GAB2: variants seen among roughly 807,000 people sequenced by gnomAD.
The protein encoded by GAB2 is GRB2 associated binding protein 2.
In GAB2, 26 loss-of-function variants were observed where a neutral mutation model predicts 65.5. The ratio of observed to expected loss-of-function variants is 0.40; its 90% CI spans 0.29 to 0.55. The LOEUF (loss-of-function observed/expected upper bound fraction) is 0.55, where lower values mean the gene tolerates loss of function less well. GAB2 is among the 20% of genes least tolerant of loss of function. The pLI, the probability that GAB2 is intolerant of heterozygous loss-of-function variation, is 0.53. For missense variants in GAB2, 884 were observed against 875.8 expected, an observed-to-expected ratio of 1.01 and a Z score of -0.12; for synonymous variants, 321 against 329.6, an observed-to-expected ratio of 0.97 and a Z score of 0.28.
chr11:78,291,344 T>C (rs1019674236), intron 1 of GAB2, among the ~76,000 whole-genome samples: 38 of 147,338 alleles, frequency 2.6e-4, no homozygotes, highest in African/African-American at 8.8e-4. Flanking sequence ...CGAGCACCTG[T>C]AGTCCCAGCT....
chr11:78,235,128 G>A (rs749746377), intron 3 of GAB2, among the ~76,000 whole-genome samples: 3 of 151,956 alleles, frequency 2.0e-5, no homozygotes, highest in Non-Finnish European at 4.4e-5. Context: ...TTCTACAGCC[G>A]GTTTGATTTT....
At chr11:78,315,611 A>G (rs991740306) in intron 1 of GAB2, among the ~76,000 whole-genome samples, 1 of 152,244 alleles carries the variant, frequency 6.6e-6, no homozygotes, top group East Asian at 1.9e-4. Context: ...GGATTTGACA[A>G]TGTTTTCTTG....
intron 1 of GAB2, among the ~76,000 whole-genome samples, chr11:78,398,194 T>A (rs148814944): frequency 6.6e-6 from 1 of 152,198 alleles, no homozygotes; most frequent in Non-Finnish European, 1.5e-5. Context: ...GTTCTTCCAA[T>A]GCACACTAAG....
At chr11:78,289,861 C>T (rs559825369) in intron 1 of GAB2, among the ~76,000 whole-genome samples, 1 of 122,138 alleles carries the variant, frequency 8.2e-6, no homozygotes, top group Non-Finnish European at 1.6e-5. Flanking sequence ...TACAGTATGA[C>T]CAATGACCAA....
At chr11:78,234,666 TG>T (rs1357432560) in intron 3 of GAB2, among the ~76,000 whole-genome samples, 6 of 151,000 alleles carry the variant, frequency 4.0e-5, no homozygotes, top group African/African-American at 1.5e-4. Context: ...ATTTCTCTCC[TG>T]GACTTGCTAA....
intron 1 of GAB2, among the ~76,000 whole-genome samples, chr11:78,309,971 T>TGTGTGTGTGCGCGCGCGCGC (rs1421836447): frequency 8.3e-6 from 1 of 120,090 alleles, no homozygotes; most frequent in African/African-American, 3.6e-5. Context: ...TGTGTGTGTG[T>TGTGTGTGTGCGCGCGCGCGC]GCGCGCGCGC....
Position 78,215,949 on chromosome 11 carries a change from A to ATGGT in GAB2, c.*3319_*3322dup. ...GAGCCCATGCTCCAGTAACTTCAGAATGGTTGTGCTTTTGTCACAGGAATG... is the reference window on the plus strand; with the variant it reads ...GAGCCCATGCTCCAGTAACTTCAGAATGGTTGGTTGTGCTTTTGTCACAGGAATG... On this transcript the variant is annotated 3_prime_UTR_variant, in exon 10 of 10. Coordinates refer to ENST00000361507, the MANE Select transcript of GAB2 (RefSeq NM_080491.3). 1 of 152,694 alleles carries ATGGT rather than the reference A, an allele frequency of 6.5e-6. No homozygotes were observed. The highest frequency in any genetic ancestry group is 1.9e-4 in the East Asian group (1 of 5,200). 9.5% of individuals were successfully genotyped at this position (152,694 alleles called of 1,614,324 possible).
At chr11:78,395,830 G>A (rs924485024) in intron 1 of GAB2, among the ~76,000 whole-genome samples, 2 of 152,128 alleles carry the variant, frequency 1.3e-5, no homozygotes, top group Admixed American at 1.3e-4. Context: ...GCATATGGGA[G>A]GTTTAGTTTG....
At chr11:78,365,446 G>T (rs1856484203) in intron 1 of GAB2, among the ~76,000 whole-genome samples, 1 of 152,208 alleles carries the variant, frequency 6.6e-6, no homozygotes, top group African/African-American at 2.4e-5. Flanking sequence ...TGCTAATGCA[G>T]CGCCCTCCTC....
chr11:78,219,844 G>A (rs1304002560), intron 9 of GAB2, among the ~76,000 whole-genome samples: 1 of 152,158 alleles, frequency 6.6e-6, no homozygotes, highest in East Asian at 1.9e-4. Flanking sequence ...CCATGCTGAG[G>A]CACAGCTCTG....
At chr11:78,399,011 T>G (rs2135076731) in intron 1 of GAB2, among the ~76,000 whole-genome samples, 2 of 152,252 alleles carry the variant, frequency 1.3e-5, no homozygotes, top group Middle Eastern at 3.4e-3. Context: ...TTTAAACATG[T>G]GAGCTTATAA....
chr11:78,347,017 A>G (rs1009535176), intron 1 of GAB2, among the ~76,000 whole-genome samples: 1 of 152,076 alleles, frequency 6.6e-6, no homozygotes, highest in African/African-American at 2.4e-5. Flanking sequence ...AAAATAAAAA[A>G]TCAAACCAAA....
At chr11:78,321,333 C>T (rs1855720052) in intron 1 of GAB2, among the ~76,000 whole-genome samples, 1 of 152,114 alleles carries the variant, frequency 6.6e-6, no homozygotes, top group African/African-American at 2.4e-5. Flanking sequence ...TGGAAATGAC[C>T]CGTATGTATG....
At chr11:78,288,454 C>T (rs1866554571) in intron 1 of GAB2, among the ~76,000 whole-genome samples, 1 of 149,586 alleles carries the variant, frequency 6.7e-6, no homozygotes, top group Admixed American at 6.7e-5. Flanking sequence ...CAACAAAACC[C>T]AACAAAACTC....
At chr11:78,374,912 G>T (rs1343176741) in intron 1 of GAB2, among the ~76,000 whole-genome samples, 6 of 152,156 alleles carry the variant, frequency 3.9e-5, no homozygotes, top group Non-Finnish European at 4.4e-5. Context: ...TTCAAATCAA[G>T]AACAGCATCA....
chr11:78,380,842 G>A (rs1856688762), intron 1 of GAB2, among the ~76,000 whole-genome samples: 1 of 131,130 alleles, frequency 7.6e-6, no homozygotes, highest in African/African-American at 2.9e-5. Flanking sequence ...TCAGAACGTT[G>A]TCCCTCCTCA....
chr11:78,317,200 G>C (rs1855625681), intron 1 of GAB2, among the ~76,000 whole-genome samples: 2 of 152,178 alleles, frequency 1.3e-5, no homozygotes, highest in Admixed American at 6.5e-5. Context: ...AGGAGTTTTG[G>C]AGATGGATGG....
intron 3 of GAB2, among the ~76,000 whole-genome samples, chr11:78,230,860 A>G (rs1864823881): frequency 6.6e-6 from 1 of 152,232 alleles, no homozygotes; most frequent in Non-Finnish European, 1.5e-5. Context: ...CCAAATACTC[A>G]GCAGTCTTAT....
At chr11:78,242,668 A>T (rs1159203274) in intron 3 of GAB2, among the ~76,000 whole-genome samples, 2 of 152,218 alleles carry the variant, frequency 1.3e-5, no homozygotes, top group African/African-American at 4.8e-5. Context: ...TCAAATAAAC[A>T]TCCTAATGAT....
Sources: allele counts gnomAD v4.1 joint callset (sites outside exome capture counted in the v4.1 genomes callset), GRCh38; gene constraint gnomAD v4.1.1; transcripts MANE v1.5; gene names NCBI Gene and HGNC (gene_info 2026-07-23, HGNC 2026-07-21).